Variants in PID1 observed in about 807,000 individuals in gnomAD.
PID1 encodes the protein PTB-containing, cubilin and LRP1-interacting protein.
In PID1, 10 loss-of-function variants were observed where a neutral mutation model predicts 19.1. That is an observed-to-expected ratio of 0.52 (90% confidence interval 0.32 to 0.89). The LOEUF (loss-of-function observed/expected upper bound fraction) is 0.89, where lower values mean the gene tolerates loss of function less well. PID1 is among the 40% of genes least tolerant of loss of function. The pLI is 0.03. For synonymous variants in PID1, 130 were observed against 116.0 expected, an observed-to-expected ratio of 1.12 and a Z score of -0.78; for missense variants, 248 against 285.3, an observed-to-expected ratio of 0.87 and a Z score of 0.94.
intron 2 of PID1, among the ~76,000 whole-genome samples, chr2:229,135,798 G>C (rs1689847563): frequency 6.6e-6 from 1 of 152,166 alleles, no homozygotes; most frequent in African/African-American, 2.4e-5. Flanking sequence ...TTTAAGAGGG[G>C]AGAAGAGCAA....
chr2:229,084,798 G>A (rs1559225967), intron 2 of PID1, among the ~76,000 whole-genome samples: 1 of 152,126 alleles, frequency 6.6e-6, no homozygotes, highest in Non-Finnish European at 1.5e-5. Flanking sequence ...ACAATGCACA[G>A]CATTCACTCT....
chr2:229,186,648 C>G (rs1406510147), intron 1 of PID1, among the ~76,000 whole-genome samples: 1 of 152,204 alleles, frequency 6.6e-6, no homozygotes, highest in African/African-American at 2.4e-5. Context: ...CAAGCCACAA[C>G]AACATGTTTT....
At chr2:229,063,345 G>T (rs571059208) in intron 2 of PID1, among the ~76,000 whole-genome samples, 13 of 152,044 alleles carry the variant, frequency 8.6e-5, no homozygotes, top group African/African-American at 2.6e-4. Context: ...GTCTCAAGAT[G>T]TTTTTTCAAT....
intron 2 of PID1, among the ~76,000 whole-genome samples, chr2:229,045,430 G>A (rs1693856068): frequency 6.6e-6 from 1 of 152,192 alleles, no homozygotes; most frequent in Non-Finnish European, 1.5e-5. Flanking sequence ...TGATACTTAT[G>A]CTCTTTCCTA....
intron 2 of PID1, among the ~76,000 whole-genome samples, chr2:229,064,122 A>G (rs1354767850): frequency 6.6e-6 from 1 of 152,180 alleles, no homozygotes; most frequent in African/African-American, 2.4e-5. Context: ...TCAAGAAGGC[A>G]AATAACATGC....
intron 1 of PID1, among the ~76,000 whole-genome samples, chr2:229,237,045 G>A (rs1178616159): frequency 6.6e-6 from 1 of 150,764 alleles, no homozygotes. Flanking sequence ...ATATAGATGA[G>A]GATCTAAGTA....
intron 2 of PID1, among the ~76,000 whole-genome samples, chr2:229,046,490 G>A (rs770355444): frequency 4.1e-4 from 62 of 151,840 alleles, no homozygotes; most frequent in Non-Finnish European, 6.8e-4. Context: ...GAGGTATATA[G>A]AGGAAAAATT....
intron 1 of PID1, among the ~76,000 whole-genome samples, chr2:229,232,913 G>A (rs1692246090): frequency 6.6e-6 from 1 of 150,940 alleles, no homozygotes; most frequent in Non-Finnish European, 1.5e-5. Context: ...GCAAACTAAA[G>A]CAACAGAAAG....
chr2:229,254,393 A>G (rs1004232464), intron 1 of PID1, among the ~76,000 whole-genome samples: 1 of 152,250 alleles, frequency 6.6e-6, no homozygotes, highest in Non-Finnish European at 1.5e-5. Flanking sequence ...GGCAAAAACT[A>G]CAACTAATGC....
chr2:229,026,203 T>A (rs1217366248), intron 2 of PID1, 95 bp from the exon 3 acceptor site: 6 of 817,686 alleles, frequency 7.3e-6, no homozygotes, highest in Non-Finnish European at 1.2e-5. Context: ...AGTCATGGTG[T>A]CACATTGGGA....
At chr2:229,100,388 A>G (rs887943047) in intron 2 of PID1, among the ~76,000 whole-genome samples, 13 of 152,210 alleles carry the variant, frequency 8.5e-5, no homozygotes, top group South Asian at 2.1e-4. Context: ...ACATCAAACA[A>G]CATTTCAATG....
chr2:229,162,882 AT>A (rs1449868851), intron 1 of PID1, among the ~76,000 whole-genome samples: 1 of 152,228 alleles, frequency 6.6e-6, no homozygotes, highest in African/African-American at 2.4e-5. Context: ...ATTCTTTTTA[AT>A]GAAAATTCTT....
intron 2 of PID1, among the ~76,000 whole-genome samples, chr2:229,026,911 T>C (rs998702500): frequency 2.0e-5 from 3 of 152,238 alleles, no homozygotes; most frequent in African/African-American, 7.2e-5. Context: ...AGAAGGGATT[T>C]TCATCCTTTC....
intron 1 of PID1, among the ~76,000 whole-genome samples, chr2:229,248,605 T>G (rs1044630026): frequency 1.3e-4 from 20 of 152,360 alleles, no homozygotes; most frequent in Admixed American, 1.0e-3. Context: ...TAAATATTAT[T>G]ATGATGATTG....
chr2:229,138,987 GAAAGA>G, intron 2 of PID1, among the ~76,000 whole-genome samples: 1 of 57,350 alleles, frequency 1.7e-5, no homozygotes, highest in African/African-American at 7.5e-5. Context: ...ATAGAAGAAA[GAAAGA>G]AAGAAAGAAA....
At chr2:229,184,983 C>CTATATATATATCCCATATATATACTA (rs66662808) in intron 1 of PID1, among the ~76,000 whole-genome samples, 1 of 138,938 alleles carries the variant, frequency 7.2e-6, no homozygotes, top group Non-Finnish European at 1.5e-5. Context: ...TATATATATA[C>CTATATATATATCCCATATATATACTA]TATATATATC....
At chr2:229,101,819 C>T (rs1485989790) in intron 2 of PID1, among the ~76,000 whole-genome samples, 1 of 152,138 alleles carries the variant, frequency 6.6e-6, no homozygotes, top group Non-Finnish European at 1.5e-5. Context: ...GATTAAGAGC[C>T]TCCAAAAGAT....
intron 2 of PID1, among the ~76,000 whole-genome samples, chr2:229,122,586 C>T (rs1013793784): frequency 6.6e-6 from 1 of 152,092 alleles, no homozygotes; most frequent in East Asian, 1.9e-4. Context: ...CTAGGTGGTT[C>T]CAGCATCACA....
chr2:229,064,841 C>T (rs563760387), intron 2 of PID1, among the ~76,000 whole-genome samples: 20 of 151,980 alleles, frequency 1.3e-4, no homozygotes, highest in African/African-American at 3.1e-4. Context: ...CTACTTGTCT[C>T]GGATGCTGAT....
Sources: allele counts gnomAD v4.1 joint callset (sites outside exome capture counted in the v4.1 genomes callset), GRCh38; gene constraint gnomAD v4.1.1; transcripts MANE v1.5; gene names NCBI Gene and HGNC (gene_info 2026-07-23, HGNC 2026-07-21).